KCNT1: variants seen among roughly 807,000 people sequenced by gnomAD.
KCNT1 encodes the protein potassium channel subfamily T member 1.
A neutral mutation model predicts 147.8 loss-of-function variants in KCNT1; 78 were observed. The ratio of observed to expected loss-of-function variants is 0.53; its 90% CI spans 0.44 to 0.64. The LOEUF (loss-of-function observed/expected upper bound fraction) is 0.64, where lower values mean the gene tolerates loss of function less well. Ranked by LOEUF, KCNT1 falls within the 30% of genes least tolerant of loss-of-function variation. The pLI is 0.00. For synonymous variants in KCNT1, 867 were observed against 748.8 expected (o/e 1.16, Z -2.58); for missense variants, 1,419 against 1,750.3 (o/e 0.81, Z 3.38).
At chr9:135,768,181 AC>A (rs1305952206) in intron 13 of KCNT1, among the ~76,000 whole-genome samples, 3 of 126,718 alleles carry the variant, frequency 2.4e-5, no homozygotes, top group Non-Finnish European at 4.8e-5. Context: ...AGGAGTCCTG[AC>A]CCGGCTCAGA....
In KCNT1 at chr9:135,795,121, C is replaced by CCTT. The variant is rs1344817831; in HGVS notation, c.*2961_*2963dup. ...CCTGTTTTTTGTTTGTTTTTATTTT[C>CCTT]CTTATACCTAATTCATCTAACAGAA... is the stretch of plus-strand genomic sequence containing the variant. On this transcript the variant is annotated 3_prime_UTR_variant, in exon 31 of 31. Transcript: ENST00000371757. 6.6e-6 allele frequency: 1 copy of CCTT among 152,030 alleles called. No homozygotes were observed. Among genetic ancestry groups the CCTT allele is most frequent in the African/African-American group, 2.4e-5 (1 of 41,378 alleles). The allele number at this position is 152,030 out of a possible 1,614,324, so 9.4% of individuals were successfully genotyped here.
chr9:135,771,825 G>T (rs906467015), intron 18 of KCNT1, among the ~76,000 whole-genome samples: 1 of 152,200 alleles, frequency 6.6e-6, no homozygotes, highest in African/African-American at 2.4e-5. Context: ...AGGCCAGGAA[G>T]CCACTCAGGC....
At chr9:135,739,273 A>G (rs1830461010) in intron 2 of KCNT1, among the ~76,000 whole-genome samples, 1 of 151,858 alleles carries the variant, frequency 6.6e-6, no homozygotes, top group Admixed American at 6.5e-5. Flanking sequence ...TGAGGCCCCC[A>G]CACAGCCTGA....
rs374841040 is a variant in KCNT1 at position 135,762,982 on chromosome 9, A to C, written c.1036-2049A>C. Among the ~76,000 whole-genome samples the C allele has an allele frequency of 4.6e-5, 7 of 152,368 alleles. No individual in the cohort carries two copies. The East Asian group carries it at 1.2e-3, about 25-fold the overall frequency. On this transcript the variant is annotated intron_variant, in intron 11 of 30. Transcript: ENST00000371757. ...TGTCCACAGTGGGGTCCCTCAGATC[A>C]GCCACTGCCTGACTGCCTTGTCTCC...
At chr9:135,784,729 G>T in intron 26 of KCNT1, 32 bp from the exon 27 acceptor site, 1 of 1,610,396 alleles carries the variant, frequency 6.2e-7, no homozygotes, top group Non-Finnish European at 8.5e-7. Flanking sequence ...GCTGCCACCT[G>T]CCCCAGCCAA....
chr9:135,782,697 T>C (rs1471760087), intron 24 of KCNT1, among the ~76,000 whole-genome samples: 1 of 152,220 alleles, frequency 6.6e-6, no homozygotes, highest in Admixed American at 6.5e-5. Flanking sequence ...CTGTCGTGGT[T>C]CTTGTTTCCT....
chr9:135,773,915 A>G (rs972911669), intron 19 of KCNT1, among the ~76,000 whole-genome samples: 4 of 152,018 alleles, frequency 2.6e-5, no homozygotes, highest in African/African-American at 9.6e-5. Flanking sequence ...TCAGGGAGGC[A>G]TGGCGGGCGG....
chr9:135,789,729 A>G (rs1336209794), intron 29 of KCNT1: 1 of 152,124 alleles, frequency 6.6e-6, no homozygotes, highest in East Asian at 1.9e-4. Context: ...GGCCTGGAGT[A>G]AAGGTCGGAG....
chr9:135,732,024 A>AGAGAGAGAGAGAGAGAGAGAGAGG lies in KCNT1; in HGVS notation c.254+17321_254+17322insAGAGAGGGAGAGAGAGAGAGAGAG, dbSNP rs1554766187. On this transcript the variant is annotated intron_variant, in intron 2 of 30. Coordinates refer to ENST00000371757, the MANE Select transcript of KCNT1 (RefSeq NM_020822.3). Reference sequence around the variant, plus strand: ...GAGAGAGAGAGAGAGAGAGAGAGAGAGAGAGAGAGAGAGAGAGGGAGTCTC... The same window carrying AGAGAGAGAGAGAGAGAGAGAGAGG: ...GAGAGAGAGAGAGAGAGAGAGAGAGAGAGAGAGAGAGAGAGAGAGAGAGGGAGAGAGAGAGAGAGAGGGAGTCTC... Among the ~76,000 whole-genome samples the AGAGAGAGAGAGAGAGAGAGAGAGG allele has an allele frequency of 7.1e-3, 459 of 64,936 alleles. 35 individuals carry two copies. The highest frequency in any genetic ancestry group is 0.015 in the East Asian group (25 of 1,626). 42.6% of individuals were successfully genotyped at this position (64,936 alleles called of 152,430 possible). A position where few individuals can be genotyped will look rare whatever the true frequency, so the allele number is the denominator to read the frequency against.
intron 20 of KCNT1, among the ~76,000 whole-genome samples, chr9:135,776,787 G>A (rs1229618267): frequency 6.6e-6 from 1 of 152,240 alleles, no homozygotes; most frequent in Non-Finnish European, 1.5e-5. Flanking sequence ...ACTGGGTGGG[G>A]TGGGGGCCTT....
intron 11 of KCNT1, among the ~76,000 whole-genome samples, chr9:135,761,475 C>T (rs750696976): frequency 1.3e-5 from 2 of 152,262 alleles, no homozygotes; most frequent in Admixed American, 1.3e-4. Context: ...GACACTGCCT[C>T]CCTCCTCGGC....
Position 135,786,407 on chromosome 9 carries a change from G to A in KCNT1, c.3388G>A (p.Ala1130Thr), listed in dbSNP as rs138421850. The part of the protein sequence containing the change: ...APKQAGRAAA[A>T]EWISQQRLSL... ...CAAGCAGGCAGGCCGGGCGGCGGCC[G>A]CGGAGTGGATCAGCCAGCAGCGCCT... is the stretch of plus-strand genomic sequence containing the variant. The change falls in exon 29 of 31, where the codon GCG becomes ACG. Residue 1130 changes from alanine to threonine, a missense_variant. By Grantham distance (58) the Ala-to-Thr change is moderately conservative (BLOSUM62 0). Coordinates refer to ENST00000371757, the MANE Select transcript of KCNT1 (RefSeq NM_020822.3). 19,413 of 1,576,966 alleles carry A rather than the reference G, an allele frequency of 0.012. 159 individuals carry two copies. Among genetic ancestry groups the A allele is most frequent in the Middle Eastern group, 0.016 (83 of 5,072 alleles).
At chr9:135,767,029 G>A (rs539998083) in intron 13 of KCNT1, among the ~76,000 whole-genome samples, 1 of 152,262 alleles carries the variant, frequency 6.6e-6, no homozygotes, top group South Asian at 2.1e-4. Context: ...TCCAGAATGT[G>A]TCGGTGCACT....
At chr9:135,732,591 G>T (rs1184396946) in intron 2 of KCNT1, among the ~76,000 whole-genome samples, 2 of 152,108 alleles carry the variant, frequency 1.3e-5, no homozygotes, top group Non-Finnish European at 2.9e-5. Context: ...GCCACTGGCT[G>T]CTGAGATGAA....
intron 1 of KCNT1, among the ~76,000 whole-genome samples, chr9:135,712,142 C>G (rs552327462): frequency 6.6e-6 from 1 of 152,252 alleles, no homozygotes; most frequent in South Asian, 2.1e-4. Context: ...GCTCTGAGCC[C>G]CTGGGCTGCC....
intron 20 of KCNT1, among the ~76,000 whole-genome samples, chr9:135,775,925 A>G (rs995442375): frequency 3.3e-5 from 5 of 151,580 alleles, no homozygotes; most frequent in African/African-American, 7.3e-5. Flanking sequence ...CTTAATCTGG[A>G]ATGTTCCCTG....
chr9:135,722,111 G>A (rs1835948205), intron 2 of KCNT1, among the ~76,000 whole-genome samples: 1 of 152,192 alleles, frequency 6.6e-6, no homozygotes, highest in African/African-American at 2.4e-5. Context: ...TCACCTGGCT[G>A]TGGGGGCATG....
intron 13 of KCNT1, among the ~76,000 whole-genome samples, chr9:135,767,502 T>C (rs1832366710): frequency 6.6e-6 from 1 of 152,048 alleles, no homozygotes; most frequent in South Asian, 2.1e-4. Context: ...CCACCCAGGT[T>C]CCCAGACCAC....
At chr9:135,759,618 G>A in intron 10 of KCNT1, 61 bp from the exon 11 acceptor site, 3 of 1,523,820 alleles carry the variant, frequency 2.0e-6, no homozygotes, top group Non-Finnish European at 1.8e-6. Context: ...CAGGATCTCT[G>A]AGGGGCCACG....
Sources: gnomAD v4.1 joint callset for allele counts (sites outside exome capture counted in the v4.1 genomes callset) on GRCh38, gnomAD v4.1.1 for gene constraint, MANE v1.5 for transcripts, NCBI Gene and HGNC (gene_info 2026-07-23, HGNC 2026-07-21) for gene names.